CATSPERZ: variants seen among roughly 807,000 people sequenced by gnomAD.
CATSPERZ encodes the protein cation channel sperm-associated auxiliary subunit zeta.
In CATSPERZ, 21 loss-of-function variants were observed where a neutral mutation model predicts 21.7. The observed-to-expected ratio is 0.97, with a 90% CI of 0.69 to 1.39. CATSPERZ has a LOEUF of 1.39. Ranked by LOEUF, CATSPERZ falls within the 40% of genes most tolerant of loss-of-function variation. The pLI, the probability that CATSPERZ is intolerant of heterozygous loss-of-function variation, is 0.00. For synonymous variants in CATSPERZ, 127 were observed against 108.7 expected, an observed-to-expected ratio of 1.17 and a Z score of -1.05; for missense variants, 234 against 259.5, an observed-to-expected ratio of 0.90 and a Z score of 0.68.
At chr11:64,303,591 C>T (rs767701029) in intron 3 of CATSPERZ, 30 bp downstream of exon 3, 54 of 1,474,194 alleles carry the variant, frequency 3.7e-5, no homozygotes, top group East Asian at 1.1e-4. Flanking sequence ...CTGGGCGTTT[C>T]GGTGGGGTAG....
chr11:64,303,392 T>A lies in CATSPERZ; in HGVS notation c.353-90T>A. On this transcript the variant is annotated intron_variant, in intron 2 of 4. Coordinates refer to ENST00000328404, the MANE Select transcript of CATSPERZ (RefSeq NM_001039496.2). ...ACCAGGAGCTGGTCTCTGAAGGCCA[T>A]TCCCTCTCACAAGGTGCCTACCCAT... is the stretch of plus-strand genomic sequence containing the variant. The A allele has an allele frequency of 2.8e-6, 3 of 1,058,660 alleles. No individual in the cohort carries two copies. The South Asian group carries it at 4.5e-5, about 16-fold the overall frequency. The allele number at this position is 1,058,660 out of a possible 1,614,324, so 65.6% of individuals were successfully genotyped here.
At position 64,300,494 on chromosome 11, in the gene CATSPERZ, C is replaced by A. The variant is rs1490214855; in HGVS notation, c.21+63C>A. On this transcript the variant is annotated intron_variant, in intron 1 of 4. Coordinates refer to ENST00000328404, the MANE Select transcript of CATSPERZ (RefSeq NM_001039496.2). Reference sequence around the variant, plus strand: ...CAACCCACCCTTGGTCCGACTCGGGCCCCTGGCGCTATTTCTTACTCAGCC... The same window carrying A: ...CAACCCACCCTTGGTCCGACTCGGGACCCTGGCGCTATTTCTTACTCAGCC... 1.3e-5 allele frequency: 20 copies of A among 1,570,302 alleles called. No individual in the cohort carries two copies. In the Admixed American group the frequency reaches 3.5e-4, roughly 28 times the overall value.
At chr11:64,304,420 A>T in intron 4 of CATSPERZ, 123 bp from the exon 5 acceptor site, 2 of 683,402 alleles carry the variant, frequency 2.9e-6, no homozygotes, top group Non-Finnish European at 5.0e-6. Flanking sequence ...CACAGACCTG[A>T]GTGCCCTGCG....
At chr11:64,301,276 TTTTGTTTTG>T (rs891289064) in intron 2 of CATSPERZ, among the ~76,000 whole-genome samples, 3 of 152,174 alleles carry the variant, frequency 2.0e-5, no homozygotes, top group Admixed American at 6.5e-5. Context: ...TGCGGGGTTT[TTTTGTTTTG>T]TTTGTTTTGT....
intron 2 of CATSPERZ, among the ~76,000 whole-genome samples, chr11:64,303,189 G>A (rs1357248437): frequency 6.6e-6 from 1 of 152,154 alleles, no homozygotes; most frequent in Non-Finnish European, 1.5e-5. Flanking sequence ...ATGAGCCACC[G>A]TGCCCGGCCA....
At position 64,300,942 on chromosome 11, in the gene CATSPERZ, G is replaced by A; in HGVS notation, c.307G>A (p.Glu103Lys). 6.3e-7 allele frequency: 1 copy of A among 1,580,840 alleles called. No homozygotes were observed. The highest frequency in any genetic ancestry group is 8.6e-7 in the Non-Finnish European group (1 of 1,164,428). Reference protein sequence around the residue: ...ELELHRGSSMEINLGEKDTAS... With the variant: ...ELELHRGSSMKINLGEKDTAS... ...GGAGTTGCACCGCGGCAGCTCCATG[G>A]AAATCAATCTGGGGGAGAAGGACAC... is the stretch of plus-strand genomic sequence containing the variant. Residue 103 changes from glutamate to lysine, a missense_variant, in exon 2 of 5, where the codon GAA becomes AAA. Glu to Lys is a moderately conservative substitution (Grantham distance 56). Coordinates refer to ENST00000328404, the MANE Select transcript of CATSPERZ (RefSeq NM_001039496.2).
chr11:64,300,850 C>T lies in CATSPERZ; in HGVS notation c.215C>T (p.Ser72Leu), dbSNP rs567527585. The change falls in exon 2 of 5, where the codon TCG becomes TTG. Residue 72 changes from serine to leucine, a missense_variant. Ser to Leu is a moderately radical substitution (Grantham distance 145, BLOSUM62 -2). Coordinates refer to ENST00000328404, the MANE Select transcript of CATSPERZ (RefSeq NM_001039496.2). ...TRGWHSPGRG[S>L]LDEGYKASHK... is the part of the protein sequence containing the mutation. ...GGGTGGCACAGCCCGGGGCGGGGCT[C>T]GTTGGACGAGGGGTACAAGGCCAGC... 1.3e-6 allele frequency: 2 copies of T among 1,558,976 alleles called. No individual in the cohort carries two copies. The highest frequency in any genetic ancestry group is 1.4e-5 in the African/African-American group (1 of 73,550).
chr11:64,302,906 T>A (rs1275283842), intron 2 of CATSPERZ, among the ~76,000 whole-genome samples: 8 of 71,570 alleles, frequency 1.1e-4, no homozygotes, highest in Non-Finnish European at 2.2e-4. Flanking sequence ...TTTTTTTTTT[T>A]AGTTTTTTTT....
rs758167931 is a variant in CATSPERZ, at chr11:64,300,973, C to T, written c.338C>T (p.Ser113Phe). The part of the protein sequence containing the change: ...EINLGEKDTA[S>F]QIEAEKSSSM... ...AATCTGGGGGAGAAGGACACTGCAT[C>T]CCAGATCGAGGCCGGTCAGTGTGGC... Residue 113 changes from serine (S) to phenylalanine (F), a missense_variant, in exon 2 of 5, where the codon TCC becomes TTC. Ser to Phe is a radical substitution (Grantham distance 155). Coordinates refer to ENST00000328404, the MANE Select transcript of CATSPERZ (RefSeq NM_001039496.2). 1.0e-5 allele frequency: 16 copies of T among 1,553,600 alleles called. No individual in the cohort carries two copies. The highest frequency in any genetic ancestry group is 1.4e-5 in the African/African-American group (1 of 73,660).
chr11:64,300,800 G>A lies in CATSPERZ; in HGVS notation c.165G>A (p.Glu55=), dbSNP rs1452160501. The A allele has an allele frequency of 1.3e-6, 2 of 1,558,196 alleles. No homozygotes were observed. The highest frequency in any genetic ancestry group is 1.7e-6 in the Non-Finnish European group (2 of 1,151,666). Residue 55 remains glutamate, a synonymous_variant, in exon 2 of 5, where the codon GAG becomes GAA. Transcript: ENST00000328404. ...LSEVCEGFDE[E]GRNISKTRGW... is the part of the protein sequence containing the mutation. Reference sequence around the variant, plus strand: ...AGGTCTGCGAGGGCTTCGACGAGGAGGGCCGCAACATTAGCAAGACCCGCG... The same window carrying A: ...AGGTCTGCGAGGGCTTCGACGAGGAAGGCCGCAACATTAGCAAGACCCGCG...
In CATSPERZ at chr11:64,304,556, G is replaced by A. The variant is rs766477307; in HGVS notation, c.513G>A (p.Gly171=). Residue 171 remains glycine (G), a synonymous_variant, in exon 5 of 5, where the codon GGG becomes GGA. Transcript: ENST00000328404. ...LTKALRSYQL[G]IGRDHFLTKE... ...CCCTCCTCCTAGGCTACCAGTTAGG[G>A]ATCGGCAGGGACCACTTCCTGACTA... The A allele has an allele frequency of 2.5e-6, 4 of 1,584,934 alleles. No homozygotes were observed. Among genetic ancestry groups the A allele is most frequent in the Non-Finnish European group, 3.4e-6 (4 of 1,166,594 alleles).
At chr11:64,302,131 A>C (rs1041449950) in intron 2 of CATSPERZ, among the ~76,000 whole-genome samples, 4 of 152,210 alleles carry the variant, frequency 2.6e-5, no homozygotes, top group African/African-American at 9.7e-5. Flanking sequence ...GCACCCCCTC[A>C]AACTACTTCA....
At chr11:64,301,255 G>T (rs1025343558) in intron 2 of CATSPERZ, among the ~76,000 whole-genome samples, 2 of 152,222 alleles carry the variant, frequency 1.3e-5, no homozygotes, top group African/African-American at 4.8e-5. Flanking sequence ...CAAAGACCCC[G>T]TGGTAGGACC....
At chr11:64,301,032 G>A (rs1423366705) in intron 2 of CATSPERZ, 45 bp downstream of exon 2, 4 of 1,451,010 alleles carry the variant, frequency 2.8e-6, no homozygotes, top group Non-Finnish European at 3.7e-6. Flanking sequence ...AGGGCAATAA[G>A]CTGGCCAGGG....
chr11:64,304,619 C>T lies in CATSPERZ; in HGVS notation c.576C>T (p.Arg192=), dbSNP rs749034466. 4.1e-5 allele frequency: 64 copies of T among 1,579,770 alleles called. 1 individual carries two copies. The Admixed American group carries it at 7.0e-4, about 17-fold the overall frequency. The change falls in exon 5 of 5, where the codon CGC becomes CGT. Residue 192 remains arginine (R), a synonymous_variant. Coordinates refer to ENST00000328404, the MANE Select transcript of CATSPERZ (RefSeq NM_001039496.2). ...GATACATCGAAGGGCTCAAGAAGCG[C>T]CGGAGCAAGAGGCTGTACGTGAATT... ...LQRYIEGLKK[R]RSKRLYVN
chr11:64,301,391 C>T (rs1392530660), intron 2 of CATSPERZ, among the ~76,000 whole-genome samples: 2 of 149,390 alleles, frequency 1.3e-5, no homozygotes, highest in Non-Finnish European at 3.0e-5. Flanking sequence ...AGTGATCCTC[C>T]CGCCTCCCAC....
In CATSPERZ at chr11:64,300,688, C is replaced by T. The variant is rs760693566; in HGVS notation, c.53C>T (p.Ser18Leu). 8 of 1,541,962 alleles carry T rather than the reference C, an allele frequency of 5.2e-6. No individual in the cohort carries two copies. Among genetic ancestry groups the T allele is most frequent in the Non-Finnish European group, 7.0e-6 (8 of 1,140,240 alleles). Residue 18 changes from serine to leucine, a missense_variant, in exon 2 of 5, where the codon TCG becomes TTG. Coordinates refer to ENST00000328404, the MANE Select transcript of CATSPERZ (RefSeq NM_001039496.2). ...CTCAAGTCTTCCGACCGCCAAGGCT[C>T]GGACGAGGAGAGCGTGCATAGCGAC... ...VSLKSSDRQG[S>L]DEESVHSDTR...
chr11:64,302,809 G>A (rs1472162247), intron 2 of CATSPERZ, among the ~76,000 whole-genome samples: 2 of 151,532 alleles, frequency 1.3e-5, no homozygotes, highest in African/African-American at 2.4e-5. Flanking sequence ...CTGATCTTGT[G>A]ATCTGCCCAC....
chr11:64,302,161 A>G (rs1282700534), intron 2 of CATSPERZ, among the ~76,000 whole-genome samples: 1 of 152,234 alleles, frequency 6.6e-6, no homozygotes, highest in Non-Finnish European at 1.5e-5. Context: ...AAGAACCAAT[A>G]ACAGTATAAC....
Sources: allele counts gnomAD v4.1 joint callset (sites outside exome capture counted in the v4.1 genomes callset), GRCh38; gene constraint gnomAD v4.1.1; transcripts MANE v1.5; gene names NCBI Gene and HGNC (gene_info 2026-07-23, HGNC 2026-07-21).